The following EDARADD variants were observed in gnomAD, a reference collection of about 807,000 sequenced individuals.
EDARADD encodes ectodysplasin-A receptor-associated adapter protein.
EDARADD carries 20 observed loss-of-function variants against 25.6 expected under a neutral mutation model. That is an observed-to-expected ratio of 0.78 (90% CI 0.55 to 1.14). The LOEUF (loss-of-function observed/expected upper bound fraction) is 1.14. Among genes scored for constraint, EDARADD ranks in the 50% most tolerant of loss-of-function variants. The pLI is 0.00. For synonymous variants in EDARADD, 86 were observed against 94.4 expected (o/e 0.91, Z 0.52); for missense variants, 225 against 270.1 (o/e 0.83, Z 1.17).
intron 5 of EDARADD, among the ~76,000 whole-genome samples, chr1:236,474,377 C>A (rs1659448685): frequency 6.6e-6 from 1 of 152,084 alleles, no homozygotes; most frequent in Admixed American, 6.6e-5. Flanking sequence ...GGGCTTTGGC[C>A]TTTAAAATAG....
At chr1:236,353,738 G>C (rs925763512) in intron 3 of EDARADD, among the ~76,000 whole-genome samples, 2 of 150,420 alleles carry the variant, frequency 1.3e-5, no homozygotes, top group Admixed American at 6.7e-5. Context: ...GACCCTATTT[G>C]GTAGTTACTC....
intron 4 of EDARADD, among the ~76,000 whole-genome samples, chr1:236,439,060 C>CTT (rs1296613782): frequency 2.6e-5 from 4 of 152,222 alleles, no homozygotes; most frequent in African/African-American, 9.6e-5. Context: ...TGTCTCCATA[C>CTT]TTTTGCCTTT....
At chr1:236,390,744 G>C (rs1667412415), upstream of EDARADD, among the ~76,000 whole-genome samples, 2 of 152,088 alleles carry the variant, frequency 1.3e-5, no homozygotes, top group Admixed American at 1.3e-4. Flanking sequence ...CCTACACACA[G>C]CTGCTGGATT....
intron 3 of EDARADD, among the ~76,000 whole-genome samples, chr1:236,372,602 C>A (rs547632379): frequency 1.3e-5 from 2 of 152,262 alleles, no homozygotes; most frequent in African/African-American, 4.8e-5. Flanking sequence ...AGGTTCCCTC[C>A]ACTGCTATCT....
intron 5 of EDARADD, among the ~76,000 whole-genome samples, chr1:236,473,228 G>A (rs899357560): frequency 4.6e-5 from 7 of 152,186 alleles, no homozygotes; most frequent in Non-Finnish European, 1.0e-4. Context: ...TGAGGAAGAT[G>A]AGCCAGGTTA....
At chr1:236,433,185 C>G (rs1367704533) in intron 4 of EDARADD, among the ~76,000 whole-genome samples, 1 of 152,014 alleles carries the variant, frequency 6.6e-6, no homozygotes, top group Non-Finnish European at 1.5e-5. Context: ...GGCGCATCGC[C>G]CATTCCACCA....
At chr1:236,423,972 G>T (rs1657844069) in intron 3 of EDARADD, among the ~76,000 whole-genome samples, 1 of 151,946 alleles carries the variant, frequency 6.6e-6, no homozygotes, top group Non-Finnish European at 1.5e-5. Flanking sequence ...CGGGCGTGGT[G>T]GTCGGCACCT....
rs12062321 is a variant in EDARADD, at chr1:236,360,453, G to A, written c.-6+9614G>A. On this transcript the variant is annotated intron_variant, in intron 3 of 7. Transcript: ENST00000439430. ...ACTGGCCTGGATAAATTATTACTGT[G>A]TGGTTACCAAATATATCAGACAGGA... Among the ~76,000 whole-genome samples, 950 of 151,912 alleles carry A rather than the reference G, an allele frequency of 6.3e-3. 10 individuals are homozygous for A. The highest frequency in any genetic ancestry group is 0.021 in the African/African-American group (889 of 41,380).
At chr1:236,468,125 C>G in intron 4 of EDARADD, 106 bp from the exon 5 acceptor site, 1 of 1,127,626 alleles carries the variant, frequency 8.9e-7, no homozygotes, top group Non-Finnish European at 1.4e-6. Flanking sequence ...CTCCACCCAC[C>G]CCAGCCCCCA....
chr1:236,438,476 G>A (rs964349661), intron 4 of EDARADD, among the ~76,000 whole-genome samples: 6 of 152,148 alleles, frequency 3.9e-5, no homozygotes, highest in Admixed American at 3.9e-4. Context: ...GGGCTGTGGT[G>A]GGTGCCACTG....
chr1:236,351,445 C>T lies in EDARADD; in HGVS notation c.-6+606C>T, dbSNP rs537561157. Among the ~76,000 whole-genome samples the T allele has an allele frequency of 1.0e-3, 158 of 152,156 alleles. 1 individual carries two copies. Among genetic ancestry groups the T allele is most frequent in the Admixed American group, 2.2e-3 (33 of 15,282 alleles). On this transcript the variant is annotated intron_variant, in intron 3 of 7. Coordinates refer to the EDARADD transcript ENST00000439430. ...TTCAAGGATGAATGAGGAGGCTGGG[C>T]GCGGTGGCTCATGCCTATAATCCCA...
intron 4 of EDARADD, among the ~76,000 whole-genome samples, chr1:236,461,383 C>T (rs1157394068): frequency 6.6e-6 from 1 of 152,052 alleles, no homozygotes; most frequent in East Asian, 1.9e-4. Context: ...TCCAGTTTTC[C>T]CAGCACCATT....
At chr1:236,426,924 C>T (rs1657935462) in intron 3 of EDARADD, among the ~76,000 whole-genome samples, 1 of 152,030 alleles carries the variant, frequency 6.6e-6, no homozygotes, top group South Asian at 2.1e-4. Flanking sequence ...TCTTGTTCTC[C>T]AGGCTGGAGT....
intron 5 of EDARADD, among the ~76,000 whole-genome samples, chr1:236,473,565 T>A (rs76000377): frequency 6.6e-6 from 1 of 151,942 alleles, no homozygotes; most frequent in African/African-American, 2.4e-5. Context: ...ATTGCTTGAG[T>A]CCAGGAGTTC....
At chr1:236,445,061 G>A (rs1658496112) in intron 4 of EDARADD, among the ~76,000 whole-genome samples, 1 of 151,396 alleles carries the variant, frequency 6.6e-6, no homozygotes, top group Non-Finnish European at 1.5e-5. Context: ...TGACTTATTT[G>A]TATTAATCTT....
intron 4 of EDARADD, among the ~76,000 whole-genome samples, chr1:236,451,380 C>T (rs767636831): frequency 2.0e-5 from 3 of 152,124 alleles, no homozygotes; most frequent in African/African-American, 7.2e-5. Context: ...GAAACAAACT[C>T]AGTGGAGTAT....
Position 236,484,234 on chromosome 1 carries a change from GCAAGCTGGCCCAGGC to G in EDARADD, c.*1589_*1603del. On this transcript the variant is annotated 3_prime_UTR_variant, in exon 6 of 6. Transcript: ENST00000334232. The surrounding 1 kb of genome is among the most constrained non-coding windows in gnomAD (Gnocchi z 4.1). ...TCTGTGACTGAGTCCCTTCAGGCGT[GCAAGCTGGCCCAGGC>G]CAATGGTTGGTGTGTCATGGTGCCT... is the stretch of plus-strand genomic sequence containing the variant. The G allele has an allele frequency of 2.0e-6, 2 of 977,452 alleles. No individual in the cohort carries two copies. Among genetic ancestry groups the G allele is most frequent in the Non-Finnish European group, 3.3e-6 (2 of 600,280 alleles). 60.5% of individuals were successfully genotyped at this position (977,452 alleles called of 1,614,324 possible). A position where few individuals can be genotyped will look rare whatever the true frequency, so the allele number is the denominator to read the frequency against.
intron 4 of EDARADD, among the ~76,000 whole-genome samples, chr1:236,458,666 G>A (rs1266748531): frequency 8.1e-6 from 1 of 123,208 alleles, no homozygotes; most frequent in Admixed American, 9.3e-5. Flanking sequence ...TTTTTGAGAC[G>A]GAGTTTCACT....
intron 3 of EDARADD, among the ~76,000 whole-genome samples, chr1:236,353,881 A>T (rs930546997): frequency 6.6e-6 from 1 of 151,012 alleles, no homozygotes; most frequent in Admixed American, 6.6e-5. Flanking sequence ...CTCTTTCCTT[A>T]AAAAAAAAGT....
Sources: gnomAD v4.1 joint callset for allele counts (sites outside exome capture counted in the v4.1 genomes callset) on GRCh38, gnomAD v4.1.1 for gene constraint, Gnocchi (gnomAD v3.1) non-coding constraint, MANE v1.5 for transcripts, NCBI Gene and HGNC (gene_info 2026-07-23, HGNC 2026-07-21) for gene names.